The following GPC6 variants were observed in gnomAD, a reference collection of about 807,000 sequenced individuals.
GPC6 encodes the protein glypican 6.
GPC6 carries 14 observed loss-of-function variants against 55.2 expected under a neutral mutation model. The observed-to-expected ratio is 0.25, with a 90% CI of 0.17 to 0.40. The LOEUF (loss-of-function observed/expected upper bound fraction) is 0.40. Among genes scored for constraint, GPC6 ranks in the 10% least tolerant of loss-of-function variants. GPC6 has a pLI of 1.00. For missense variants in GPC6, 641 were observed against 708.5 expected (o/e 0.90, Z 1.08); for synonymous variants, 278 against 259.6 (o/e 1.07, Z -0.68).
chr13:93,745,728 G>A (rs969205511), intron 2 of GPC6, among the ~76,000 whole-genome samples: 3 of 152,182 alleles, frequency 2.0e-5, no homozygotes, highest in Admixed American at 6.5e-5. Flanking sequence ...GTATTGTGTT[G>A]CCAGCTTTTT....
chr13:93,847,498 G>GT (rs1174340807), intron 3 of GPC6, among the ~76,000 whole-genome samples: 1 of 151,978 alleles, frequency 6.6e-6, no homozygotes, highest in African/African-American at 2.4e-5. Context: ...TTCTTTTCAG[G>GT]TAACAGCCAT....
intron 3 of GPC6, among the ~76,000 whole-genome samples, chr13:93,984,285 A>T (rs1298330236): frequency 6.6e-6 from 1 of 152,142 alleles, no homozygotes; most frequent in African/African-American, 2.4e-5. Flanking sequence ...ATGTTTTGAC[A>T]TTATTCTGGG....
chr13:93,931,501 C>T (rs957730690), intron 3 of GPC6, among the ~76,000 whole-genome samples: 2 of 151,288 alleles, frequency 1.3e-5, no homozygotes, highest in African/African-American at 2.4e-5. Flanking sequence ...CTCACGCTCA[C>T]GCATGTAATC....
intron 4 of GPC6, among the ~76,000 whole-genome samples, chr13:94,055,206 G>A (rs545638750): frequency 6.6e-6 from 1 of 152,278 alleles, no homozygotes; most frequent in East Asian, 1.9e-4. Flanking sequence ...AATCAGCCCT[G>A]GTGAAAGTGT....
intron 1 of GPC6, among the ~76,000 whole-genome samples, chr13:93,390,988 TC>T (rs1875609623): frequency 6.6e-6 from 1 of 152,024 alleles, no homozygotes; most frequent in Non-Finnish European, 1.5e-5. Context: ...ATACTATGTG[TC>T]TTTTATTATG....
At chr13:94,365,995 C>A (rs1261372026) in intron 6 of GPC6, among the ~76,000 whole-genome samples, 1 of 152,128 alleles carries the variant, frequency 6.6e-6, no homozygotes, top group African/African-American at 2.4e-5. Flanking sequence ...CCTCCTCCCC[C>A]TTTTTTAATT....
At chr13:94,271,090 A>G (rs915168437) in intron 4 of GPC6, among the ~76,000 whole-genome samples, 1 of 140,068 alleles carries the variant, frequency 7.1e-6, no homozygotes, top group East Asian at 2.1e-4. Flanking sequence ...TCCCAGGTTC[A>G]TGCCATTCTC....
intron 4 of GPC6, among the ~76,000 whole-genome samples, chr13:94,207,828 G>T (rs764077394): frequency 2.4e-4 from 37 of 152,262 alleles, no homozygotes; most frequent in Non-Finnish European, 4.9e-4. Context: ...GCTTCAACTT[G>T]CTCTTCTGTA....
intron 3 of GPC6, among the ~76,000 whole-genome samples, chr13:93,966,794 T>G (rs9524288): frequency 0.22 from 33,497 of 151,130 alleles, 4,157 homozygotes; most frequent in East Asian, 0.39. Context: ...GGGACTACAG[T>G]CACATGCCAC....
At chr13:93,316,926 GCTTAAGCTGTCATTAT>G (rs2139117199) in intron 1 of GPC6, among the ~76,000 whole-genome samples, 1 of 152,194 alleles carries the variant, frequency 6.6e-6, no homozygotes, top group South Asian at 2.1e-4. Context: ...TACACTTAGT[GCTTAAGCTGTCATTAT>G]CTGATCTGCA....
chr13:93,853,116 GT>G (rs1180160514), intron 3 of GPC6, among the ~76,000 whole-genome samples: 12 of 151,600 alleles, frequency 7.9e-5, no homozygotes, highest in Non-Finnish European at 1.8e-4. Flanking sequence ...ATAATGAAAA[GT>G]TTTATTTAAA....
At chr13:93,447,768 T>G (rs1250015872) in intron 1 of GPC6, among the ~76,000 whole-genome samples, 2 of 152,212 alleles carry the variant, frequency 1.3e-5, no homozygotes, top group Non-Finnish European at 1.5e-5. Context: ...ACAATTTTCA[T>G]CGAGTTGCCT....
chr13:93,742,236 G>A (rs778271139), intron 2 of GPC6, among the ~76,000 whole-genome samples: 2 of 152,182 alleles, frequency 1.3e-5, no homozygotes, highest in African/African-American at 2.4e-5. Flanking sequence ...ATGATTCCAT[G>A]TAAAGTGTGC....
intron 2 of GPC6, among the ~76,000 whole-genome samples, chr13:93,704,227 G>C (rs1226065755): frequency 6.6e-6 from 1 of 151,808 alleles, no homozygotes; most frequent in Non-Finnish European, 1.5e-5. Context: ...ATTATTTTCT[G>C]ATGTGGGCAT....
intron 4 of GPC6, among the ~76,000 whole-genome samples, chr13:94,121,766 A>C (rs552713874): frequency 7.2e-5 from 11 of 152,170 alleles, no homozygotes; most frequent in African/African-American, 2.6e-4. Flanking sequence ...ACTTCCTCTT[A>C]ATCTTAAAAT....
At chr13:93,600,627 C>A (rs566453551) in intron 2 of GPC6, among the ~76,000 whole-genome samples, 1 of 152,234 alleles carries the variant, frequency 6.6e-6, no homozygotes, top group South Asian at 2.1e-4. Flanking sequence ...AAATGTGCTG[C>A]TAAGCAGGTT....
chr13:94,157,061 T>C (rs746196022), intron 4 of GPC6, among the ~76,000 whole-genome samples: 2 of 152,174 alleles, frequency 1.3e-5, no homozygotes, highest in Non-Finnish European at 2.9e-5. Context: ...TCAGAGAGGC[T>C]GATGAGTGTA....
intron 1 of GPC6, among the ~76,000 whole-genome samples, chr13:93,336,774 C>T (rs1880059222): frequency 6.6e-6 from 1 of 151,968 alleles, no homozygotes; most frequent in African/African-American, 2.4e-5. Context: ...CTTGCAGAGA[C>T]CTCCTGTATG....
At position 93,662,260 on chromosome 13, in the gene GPC6, G is replaced by A. The variant is rs149769210; in HGVS notation, c.319+116839G>A. Reference sequence around the variant, plus strand: ...TGTAGTAAGTCACTCGGGCTAATGTGTTATCACTGAAAACTAACAGTACCT... The same window carrying A: ...TGTAGTAAGTCACTCGGGCTAATGTATTATCACTGAAAACTAACAGTACCT... On this transcript the variant is annotated intron_variant, in intron 2 of 8. Transcript: ENST00000377047. Among the ~76,000 whole-genome samples the A allele has an allele frequency of 1.2e-4, 19 of 152,312 alleles. No homozygotes were observed. The East Asian group carries it at 3.3e-3, about 26-fold the overall frequency.
Sources: gnomAD v4.1 joint callset for allele counts (sites outside exome capture counted in the v4.1 genomes callset) on GRCh38, gnomAD v4.1.1 for gene constraint, MANE v1.5 for transcripts, NCBI Gene and HGNC (gene_info 2026-07-23, HGNC 2026-07-21) for gene names.